CFAP299: variants seen among roughly 807,000 people sequenced by gnomAD.
CFAP299 encodes cilia and flagella associated protein 299.
A neutral mutation model predicts 27.0 loss-of-function variants in CFAP299; 21 were observed. The ratio of observed to expected loss-of-function variants is 0.78; its 90% CI spans 0.55 to 1.12. The LOEUF is 1.12. Ranked by LOEUF, CFAP299 falls within the 50% of genes most tolerant of loss-of-function variation. The probability of loss-of-function intolerance (pLI) is 0.00; values close to 1 mark genes in which losing one functional copy is unlikely to be tolerated. For missense variants in CFAP299, 310 were observed against 276.6 expected (o/e 1.12, Z -0.86); for synonymous variants, 104 against 98.1 (o/e 1.06, Z -0.36).
intron 2 of CFAP299, among the ~76,000 whole-genome samples, chr4:80,454,516 C>T (rs1199823311): frequency 6.6e-6 from 1 of 152,176 alleles, no homozygotes; most frequent in Non-Finnish European, 1.5e-5. Flanking sequence ...CCCAAAAAAT[C>T]CCACCAGCAC....
intron 3 of CFAP299, among the ~76,000 whole-genome samples, chr4:80,778,359 G>T (rs953465427): frequency 6.6e-6 from 1 of 152,046 alleles, no homozygotes; most frequent in Non-Finnish European, 1.5e-5. Context: ...GAAAAAAGTG[G>T]TACTGCCTCT....
intron 2 of CFAP299, among the ~76,000 whole-genome samples, chr4:80,579,422 A>G (rs1277028805): frequency 6.6e-6 from 1 of 152,114 alleles, no homozygotes; most frequent in Non-Finnish European, 1.5e-5. Context: ...AGGGGCTTTC[A>G]TTGTTACGGA....
chr4:80,584,954 A>G (rs1736356873), intron 3 of CFAP299, among the ~76,000 whole-genome samples: 1 of 152,094 alleles, frequency 6.6e-6, no homozygotes, highest in African/African-American at 2.4e-5. Flanking sequence ...ATGCAATGTG[A>G]CAGGTGCTAT....
intron 2 of CFAP299, among the ~76,000 whole-genome samples, chr4:80,576,925 T>A (rs1735895523): frequency 6.6e-6 from 1 of 152,166 alleles, no homozygotes; most frequent in Non-Finnish European, 1.5e-5. Flanking sequence ...TAGACTGGAA[T>A]GACAATAATA....
chr4:80,402,803 CTTAGACATTA>C (rs1409144713), intron 2 of CFAP299, among the ~76,000 whole-genome samples: 1 of 152,154 alleles, frequency 6.6e-6, no homozygotes, highest in Non-Finnish European at 1.5e-5. Flanking sequence ...TAGCCTCTTG[CTTAGACATTA>C]TTCCATGTAT....
At chr4:80,688,490 G>A (rs1315269137) in intron 3 of CFAP299, among the ~76,000 whole-genome samples, 3 of 152,168 alleles carry the variant, frequency 2.0e-5, no homozygotes, top group Non-Finnish European at 2.9e-5. Context: ...GGTCCTGTCT[G>A]TTAGAAGGAA....
chr4:80,528,219 C>G (rs994106601), intron 2 of CFAP299, among the ~76,000 whole-genome samples: 3 of 152,112 alleles, frequency 2.0e-5, no homozygotes, highest in Non-Finnish European at 2.9e-5. Context: ...TATAATTCTT[C>G]TAACCCTTTT....
chr4:80,368,471 C>CAGAA (rs1723956928), intron 2 of CFAP299, among the ~76,000 whole-genome samples: 1 of 152,086 alleles, frequency 6.6e-6, no homozygotes, highest in East Asian at 1.9e-4. Flanking sequence ...TTATCTCCTT[C>CAGAA]AATTTGTTTT....
intron 3 of CFAP299, among the ~76,000 whole-genome samples, chr4:80,647,385 A>G (rs967869834): frequency 2.0e-5 from 3 of 152,198 alleles, no homozygotes; most frequent in Non-Finnish European, 4.4e-5. Flanking sequence ...TTTAATGGCA[A>G]GTAGTAAGGT....
chr4:80,955,030 A>C lies in CFAP299; in HGVS notation c.607-8487A>C, dbSNP rs1193755584. Among the ~76,000 whole-genome samples the C allele has an allele frequency of 1.9e-3, 196 of 101,000 alleles. 35 individuals carry two copies. The highest frequency in any genetic ancestry group is 5.8e-3 in the African/African-American group (148 of 25,426). The allele number at this position is 101,000 out of a possible 152,430, so 66.3% of individuals were successfully genotyped here. Reference sequence around the variant, plus strand: ...AAAAAAAAAAAAAAAAAAAAAAAAAAAAAACGCACACATGGCCATATACAG... The same window carrying C: ...AAAAAAAAAAAAAAAAAAAAAAAAACAAAACGCACACATGGCCATATACAG... On this transcript the variant is annotated intron_variant, in intron 5 of 5. Transcript: ENST00000358105.
chr4:80,511,902 G>C lies in CFAP299; in HGVS notation c.243-71191G>C, dbSNP rs190140162. Among the ~76,000 whole-genome samples, 122 of 152,060 alleles carry C rather than the reference G, an allele frequency of 8.0e-4. 1 individual carries two copies. Among genetic ancestry groups the C allele is most frequent in the African/African-American group, 2.9e-3 (119 of 41,480 alleles). On this transcript the variant is annotated intron_variant, in intron 2 of 5. Coordinates refer to ENST00000358105, the MANE Select transcript of CFAP299 (RefSeq NM_152770.3). ...GATCATTGCAGAAATTACTACACTA[G>C]GAGTAAGATTTCATATGAAATACTG...
intron 2 of CFAP299, among the ~76,000 whole-genome samples, chr4:80,505,721 A>G (rs1047838751): frequency 2.6e-5 from 4 of 152,138 alleles, no homozygotes; most frequent in Non-Finnish European, 5.9e-5. Context: ...GGGTTGATGT[A>G]TATAGTATAT....
intron 2 of CFAP299, among the ~76,000 whole-genome samples, chr4:80,509,151 A>C (rs1045083271): frequency 6.6e-6 from 1 of 152,202 alleles, no homozygotes; most frequent in Non-Finnish European, 1.5e-5. Context: ...ATGCCTAACT[A>C]TAGCTCTTAT....
intron 2 of CFAP299, among the ~76,000 whole-genome samples, chr4:80,422,186 A>G (rs1034277388): frequency 3.9e-5 from 6 of 152,180 alleles, no homozygotes; most frequent in Non-Finnish European, 8.8e-5. Context: ...CTAAGTCTCT[A>G]CTTACAACTA....
chr4:80,663,410 T>C (rs1308969354), intron 3 of CFAP299, among the ~76,000 whole-genome samples: 3 of 152,184 alleles, frequency 2.0e-5, no homozygotes, highest in Non-Finnish European at 2.9e-5. Context: ...CCTGTGTTAG[T>C]TTGCAGAGAA....
Position 80,659,185 on chromosome 4 carries a change from G to A in CFAP299, c.333+76002G>A, listed in dbSNP as rs369154650. Among the ~76,000 whole-genome samples the A allele has an allele frequency of 5.1e-3, 780 of 151,816 alleles. 5 individuals are homozygous for A. The highest frequency in any genetic ancestry group is 0.021 in the Middle Eastern group (6 of 292). ...ACTGGGCAGTTAAAAATATAAAATC[G>A]AAAGCAAAACTATAATATCCTATAA... On this transcript the variant is annotated intron_variant, in intron 3 of 5. Transcript: ENST00000358105.
At chr4:80,753,994 G>A (rs1158620481) in intron 3 of CFAP299, among the ~76,000 whole-genome samples, 1 of 152,070 alleles carries the variant, frequency 6.6e-6, no homozygotes, top group African/African-American at 2.4e-5. Context: ...TTATATCTGA[G>A]TCTGCTTCTG....
At chr4:80,948,949 C>T (rs1256690931) in intron 5 of CFAP299, among the ~76,000 whole-genome samples, 2 of 151,928 alleles carry the variant, frequency 1.3e-5, no homozygotes, top group Non-Finnish European at 2.9e-5. Flanking sequence ...CTATATTAAC[C>T]CAAATAAGTC....
At chr4:80,772,337 C>A (rs1335722219) in intron 3 of CFAP299, among the ~76,000 whole-genome samples, 1 of 152,004 alleles carries the variant, frequency 6.6e-6, no homozygotes, top group African/African-American at 2.4e-5. Context: ...ACTTTATGGG[C>A]TACGAAGAAA....
Sources: gnomAD v4.1 joint callset for allele counts (sites outside exome capture counted in the v4.1 genomes callset) on GRCh38, gnomAD v4.1.1 for gene constraint, MANE v1.5 for transcripts, NCBI Gene and HGNC (gene_info 2026-07-23, HGNC 2026-07-21) for gene names.